Variants in TANC1 observed in about 807,000 individuals in gnomAD.
TANC1 encodes the protein protein TANC1.
In TANC1, 77 loss-of-function variants were observed where a neutral mutation model predicts 149.7. The ratio of observed to expected loss-of-function variants is 0.51; its 90% CI spans 0.43 to 0.62. The LOEUF (loss-of-function observed/expected upper bound fraction) is 0.62, where lower values mean the gene tolerates loss of function less well. TANC1 is among the 20% of genes least tolerant of loss of function. TANC1 has a pLI of 0.00. For synonymous variants in TANC1, 854 were observed against 925.0 expected (o/e 0.92, Z 1.39); for missense variants, 1,985 against 2,321.8 (o/e 0.85, Z 2.98).
At chr2:159,039,794 G>C (rs889365018) in intron 2 of TANC1, among the ~76,000 whole-genome samples, 2 of 152,330 alleles carry the variant, frequency 1.3e-5, no homozygotes, top group Admixed American at 6.5e-5. Flanking sequence ...TTTGGAATAA[G>C]TGTGATGTGG....
intron 19 of TANC1, among the ~76,000 whole-genome samples, chr2:159,215,661 C>G (rs1229768003): frequency 6.6e-6 from 1 of 152,190 alleles, no homozygotes; most frequent in African/African-American, 2.4e-5. Context: ...AGGAGACAAA[C>G]CAGGTCCCGC....
chr2:159,219,320 G>A lies in TANC1; in HGVS notation c.3461G>A (p.Cys1154Tyr), dbSNP rs371000939. 4 of 1,614,116 alleles carry A rather than the reference G, an allele frequency of 2.5e-6. No homozygotes were observed. The highest frequency in any genetic ancestry group is 3.4e-6 in the Non-Finnish European group (4 of 1,180,046). ...QGRTPLMVAA[C>Y]EGHLSTVEFL... is the part of the protein sequence containing the mutation. The stretch of plus-strand genomic sequence containing the variant: ...CGGACGCCCCTCATGGTGGCTGCTT[G>A]TGAAGGGCACTTGAGCACCGTGGAA... Residue 1154 changes from cysteine (C) to tyrosine (Y), a missense_variant, in exon 21 of 27, where the codon TGT becomes TAT. Physicochemically the swap from Cys to Tyr is radical, Grantham distance 194. Transcript: ENST00000263635.
At chr2:159,122,517 A>G (rs1484380103) in intron 4 of TANC1, among the ~76,000 whole-genome samples, 1 of 152,204 alleles carries the variant, frequency 6.6e-6, no homozygotes, top group East Asian at 1.9e-4. Flanking sequence ...TGACTGTCAA[A>G]TGCACAGTTG....
rs1456447978 is a variant in TANC1 at position 159,095,403 on chromosome 2, G to C, written c.62-2234G>C. On this transcript the variant is annotated intron_variant, in intron 3 of 26. Transcript: ENST00000263635. ...ACTTTGCTGACATGCCCATTGTGGG[G>C]CTTTTCTGTTCACTGCTCTGCTGTG... Among the ~76,000 whole-genome samples, 5 of 152,170 alleles carry C rather than the reference G, an allele frequency of 3.3e-5. No individual in the cohort carries two copies. In the South Asian group the frequency reaches 8.3e-4, roughly 25 times the overall value.
At position 159,228,852 on chromosome 2, in the gene TANC1, C is replaced by T; in HGVS notation, c.4107C>T (p.Ser1369=). The T allele has an allele frequency of 1.9e-6, 3 of 1,614,114 alleles. No individual in the cohort carries two copies. Among genetic ancestry groups the T allele is most frequent in the Admixed American group, 1.7e-5 (1 of 60,022 alleles). ...AGGCTCTCGAATTGAAGCCCAAGTC[C>T]TATGAAGCCTTTTATGCCAGAGCAA... ...ASKALELKPK[S]YEAFYARARA... Residue 1369 remains serine, a synonymous_variant, in exon 26 of 27, where the codon TCC becomes TCT. Transcript: ENST00000263635.
intron 1 of TANC1, among the ~76,000 whole-genome samples, chr2:158,980,698 C>T (rs1006499808): frequency 1.3e-5 from 2 of 151,488 alleles, no homozygotes; most frequent in African/African-American, 4.9e-5. Context: ...TGGCGTGAAC[C>T]CAGAAGACGG....
chr2:159,228,971 G>A (rs2060187037), intron 26 of TANC1, 75 bp downstream of exon 26: 1 of 1,198,274 alleles, frequency 8.3e-7, no homozygotes, highest in Non-Finnish European at 1.2e-6. Flanking sequence ...AATTTGGGGA[G>A]GTTTTGCTGC....
At chr2:159,020,277 C>A (rs758357546) in intron 2 of TANC1, among the ~76,000 whole-genome samples, 1 of 151,998 alleles carries the variant, frequency 6.6e-6, no homozygotes, top group Non-Finnish European at 1.5e-5. Flanking sequence ...CCACACCCAG[C>A]CAATTTTTGT....
At chr2:159,162,958 C>G (rs977802693) in intron 7 of TANC1, among the ~76,000 whole-genome samples, 4 of 152,128 alleles carry the variant, frequency 2.6e-5, no homozygotes, top group African/African-American at 9.7e-5. Flanking sequence ...TGTGAGTAAT[C>G]TTTGTTAAAA....
chr2:159,135,309 T>C lies in TANC1; in HGVS notation c.260-885T>C, dbSNP rs182875846. 7.0e-3 allele frequency among the ~76,000 whole-genome samples: 1,060 copies of C among 152,396 alleles called. 10 individuals are homozygous for C. The highest frequency in any genetic ancestry group is 0.02 in the Middle Eastern group (6 of 294). On this transcript the variant is annotated intron_variant, in intron 4 of 26. Coordinates refer to ENST00000263635, the MANE Select transcript of TANC1 (RefSeq NM_033394.3). ...TTCTACTGCCCAATAATCCATTGTG[T>C]GGGCAAAGAACATTTTGTTGTTGTC...
chr2:159,213,992 G>A (rs1198653829), intron 19 of TANC1, among the ~76,000 whole-genome samples: 1 of 151,922 alleles, frequency 6.6e-6, no homozygotes, highest in African/African-American at 2.4e-5. Flanking sequence ...CGGGCTTGGG[G>A]GCTCGTGCCT....
chr2:159,188,645 T>A (rs943425826), intron 16 of TANC1, among the ~76,000 whole-genome samples: 1 of 152,260 alleles, frequency 6.6e-6, no homozygotes, highest in South Asian at 2.1e-4. Flanking sequence ...AGTCATATCC[T>A]ACATCATAGT....
chr2:159,147,521 G>T (rs185371395), intron 5 of TANC1: 1 of 152,324 alleles, frequency 6.6e-6, no homozygotes, highest in Non-Finnish European at 1.5e-5. Context: ...TTTCCCAAAC[G>T]CCCAGCTACC....
intron 2 of TANC1, 26 bp from the exon 3 acceptor site, chr2:159,065,870 C>T: frequency 6.3e-7 from 1 of 1,589,198 alleles, no homozygotes; most frequent in South Asian, 1.1e-5. Flanking sequence ...TTTAATTCCT[C>T]TTCTCTCTGT....
chr2:159,190,869 G>A (rs1357715974), intron 16 of TANC1, among the ~76,000 whole-genome samples: 1 of 152,188 alleles, frequency 6.6e-6, no homozygotes, highest in Non-Finnish European at 1.5e-5. Context: ...TATTAATGTT[G>A]TAGCATAATG....
intron 19 of TANC1, among the ~76,000 whole-genome samples, chr2:159,207,048 C>T (rs2058655397): frequency 6.6e-6 from 1 of 152,186 alleles, no homozygotes; most frequent in Non-Finnish European, 1.5e-5. Flanking sequence ...ATTGAGGTTA[C>T]ATTATTTATA....
At chr2:159,122,932 G>A (rs1347008351) in intron 4 of TANC1, among the ~76,000 whole-genome samples, 1 of 152,056 alleles carries the variant, frequency 6.6e-6, no homozygotes, top group Non-Finnish European at 1.5e-5. Flanking sequence ...GTAGCTCATT[G>A]TCCAAGCTGG....
At chr2:159,142,495 T>C (rs986031649) in intron 5 of TANC1, among the ~76,000 whole-genome samples, 2 of 152,148 alleles carry the variant, frequency 1.3e-5, no homozygotes, top group Non-Finnish European at 2.9e-5. Flanking sequence ...CTAAAAGTAA[T>C]GTTATTAAAT....
In TANC1 at chr2:159,056,318, A is replaced by ATT. The variant is rs1200812759; in HGVS notation, c.-15-9568_-15-9567dup. 4 of 156,394 alleles carry ATT rather than the reference A, an allele frequency of 2.6e-5. No homozygotes were observed. The South Asian group carries it at 5.1e-4, about 20-fold the overall frequency. 9.7% of individuals were successfully genotyped at this position (156,394 alleles called of 1,614,324 possible). A position where few individuals can be genotyped will look rare whatever the true frequency, so the allele number is the denominator to read the frequency against. ...TGGTTTTTATTTATTTTATTTATTT[A>ATT]TTTTTTTTTTTGAGATGGAGTCTTG... On this transcript the variant is annotated intron_variant, in intron 2 of 26. Coordinates refer to ENST00000263635, the MANE Select transcript of TANC1 (RefSeq NM_033394.3).
Sources: gnomAD v4.1 joint callset for allele counts (sites outside exome capture counted in the v4.1 genomes callset) on GRCh38, gnomAD v4.1.1 for gene constraint, MANE v1.5 for transcripts, NCBI Gene and HGNC (gene_info 2026-07-23, HGNC 2026-07-21) for gene names.